The following ABLIM1 variants were observed in gnomAD, a reference collection of about 807,000 sequenced individuals.
The protein encoded by ABLIM1 is actin binding LIM protein 1.
ABLIM1 carries 40 observed loss-of-function variants against 107.0 expected under a neutral mutation model. That is an observed-to-expected ratio of 0.37 (90% CI 0.29 to 0.49). The LOEUF is 0.49. ABLIM1 is among the 20% of genes least tolerant of loss of function. ABLIM1 has a pLI of 0.97. For missense variants in ABLIM1, 857 were observed against 1,008.5 expected (o/e 0.85, Z 2.04); for synonymous variants, 357 against 357.3 (o/e 1.00, Z 0.01).
chr10:114,491,012 G>GTGTGTGTATATA lies in ABLIM1; in HGVS notation c.982+778_982+779insTATATACACACA. ...TGTGTGTGTGTGTGTGTGTGTGTGTGTATATATATATATGGTCTATTTTAT... is the reference window on the plus strand; with the variant it reads ...TGTGTGTGTGTGTGTGTGTGTGTGTGTGTGTGTATATATATATATATATATGGTCTATTTTAT... On this transcript the variant is annotated intron_variant, in intron 7 of 22. Coordinates refer to ENST00000533213, the MANE Select transcript of ABLIM1 (RefSeq NM_002313.7). Among the ~76,000 whole-genome samples, 333 of 92,318 alleles carry GTGTGTGTATATA rather than the reference G, an allele frequency of 3.6e-3. 2 individuals carry two copies. The highest frequency in any genetic ancestry group is 0.01 in the South Asian group (25 of 2,460). 60.6% of individuals were successfully genotyped at this position (92,318 alleles called of 152,430 possible). A position where few individuals can be genotyped will look rare whatever the true frequency, so the allele number is the denominator to read the frequency against.
upstream of ABLIM1, among the ~76,000 whole-genome samples, chr10:114,688,420 T>C (rs2080994605): frequency 1.3e-5 from 2 of 152,186 alleles, no homozygotes; most frequent in South Asian, 4.1e-4. Flanking sequence ...TTTCCTGAAC[T>C]TGTACGCCAA....
chr10:114,520,492 T>C (rs182943500), intron 6 of ABLIM1, among the ~76,000 whole-genome samples: 469 of 152,098 alleles, frequency 3.1e-3, no homozygotes, highest in Non-Finnish European at 4.2e-3. Flanking sequence ...ATCAGTGCCA[T>C]CGTGGGAGCT....
chr10:114,634,899 G>A (rs2078401539), intron 1 of ABLIM1, among the ~76,000 whole-genome samples: 1 of 152,200 alleles, frequency 6.6e-6, no homozygotes, highest in South Asian at 2.1e-4. Context: ...AAAACAAATT[G>A]TTTTTGCCTC....
intron 1 of ABLIM1, among the ~76,000 whole-genome samples, chr10:114,728,783 C>G (rs943171025): frequency 6.6e-6 from 1 of 151,948 alleles, no homozygotes; most frequent in Non-Finnish European, 1.5e-5. Flanking sequence ...TGGGAGGGGC[C>G]TGTAGGAGAA....
chr10:114,622,702 C>T (rs1016397397), intron 1 of ABLIM1, among the ~76,000 whole-genome samples: 5 of 152,164 alleles, frequency 3.3e-5, no homozygotes, highest in Non-Finnish European at 7.4e-5. Flanking sequence ...TCCCCTTGCA[C>T]ACAGATTTTC....
chr10:114,541,579 G>A (rs1033311728), intron 6 of ABLIM1, among the ~76,000 whole-genome samples: 4 of 152,152 alleles, frequency 2.6e-5, no homozygotes, highest in South Asian at 2.1e-4. Flanking sequence ...CCTGCAGGAC[G>A]TTTTTCTAGC....
At chr10:114,464,787 A>T (rs978932534) in intron 12 of ABLIM1, among the ~76,000 whole-genome samples, 6 of 152,212 alleles carry the variant, frequency 3.9e-5, no homozygotes, top group African/African-American at 7.2e-5. Context: ...ATTTATTTTT[A>T]AAAAGGTAGC....
chr10:114,632,832 CTCA>C, intron 1 of ABLIM1: 4 of 973,694 alleles, frequency 4.1e-6, no homozygotes, highest in Non-Finnish European at 3.7e-6. Flanking sequence ...GACAAACAGC[CTCA>C]TCTAGTTCGG....
At chr10:114,713,126 G>A (rs771536505) in intron 1 of ABLIM1, among the ~76,000 whole-genome samples, 1 of 152,156 alleles carries the variant, frequency 6.6e-6, no homozygotes, top group African/African-American at 2.4e-5. Flanking sequence ...TTGATACGTG[G>A]TTCATGATTT....
chr10:114,501,803 C>A (rs2060468609), intron 6 of ABLIM1, among the ~76,000 whole-genome samples: 1 of 152,188 alleles, frequency 6.6e-6, no homozygotes, highest in Admixed American at 6.5e-5. Flanking sequence ...CAGAGTGGTG[C>A]ATTTGCCACA....
chr10:114,791,794 A>C, the ABLIM1 span, among the ~76,000 whole-genome samples: 1 of 152,206 alleles, frequency 6.6e-6, no homozygotes. Flanking sequence ...AATCAGAGAA[A>C]TGAAATCTAA....
At chr10:114,641,293 C>A (rs34817890) in intron 1 of ABLIM1, among the ~76,000 whole-genome samples, 37,671 of 137,178 alleles carry the variant, frequency 0.27, 5,718 homozygotes, top group East Asian at 0.54. Context: ...TCGATGTTAG[C>A]AAATCTTCCC....
the ABLIM1 span, among the ~76,000 whole-genome samples, chr10:114,787,026 C>G: frequency 6.6e-6 from 1 of 151,646 alleles, no homozygotes; most frequent in Non-Finnish European, 1.5e-5. Context: ...CTCTGCCCAG[C>G]CGCCATCCCA....
In ABLIM1 at chr10:114,462,370, T is replaced by A. The variant is rs918741437; in HGVS notation, c.1441+3328A>T. ...TTGTAGCCTCTTCAGGGTTCTCGGC[T>A]CCCCCAGTGTGGAGAGTCCCAACTG... On this transcript the variant is annotated intron_variant, in intron 12 of 22. Coordinates refer to ENST00000533213, the MANE Select transcript of ABLIM1 (RefSeq NM_002313.7). 6.6e-5 allele frequency among the ~76,000 whole-genome samples: 10 copies of A among 152,112 alleles called. No individual in the cohort carries two copies. In the East Asian group the frequency reaches 1.9e-3, roughly 29 times the overall value.
intron 1 of ABLIM1, among the ~76,000 whole-genome samples, chr10:114,758,094 A>G (rs760297564): frequency 3.9e-5 from 6 of 152,078 alleles, no homozygotes; most frequent in Non-Finnish European, 7.4e-5. Context: ...TTATCGCCCC[A>G]TATGCAATAG....
Position 114,509,087 on chromosome 10 carries a change from G to A in ABLIM1, c.895-17209C>T, listed in dbSNP as rs183682909. 2.7e-3 allele frequency among the ~76,000 whole-genome samples: 406 copies of A among 152,278 alleles called. 1 individual carries two copies. The highest frequency in any genetic ancestry group is 9.2e-3 in the African/African-American group (382 of 41,556). ...GGAAATTTAGAATGAGAATAAATTCGTATGGAGAATGCGGAGAGCAGCTCA... is the reference window on the plus strand; with the variant it reads ...GGAAATTTAGAATGAGAATAAATTCATATGGAGAATGCGGAGAGCAGCTCA... On this transcript the variant is annotated intron_variant, in intron 6 of 22. Coordinates refer to ENST00000533213, the MANE Select transcript of ABLIM1 (RefSeq NM_002313.7).
At chr10:114,792,902 A>G in the ABLIM1 span, among the ~76,000 whole-genome samples, 1 of 152,184 alleles carries the variant, frequency 6.6e-6, no homozygotes, top group African/African-American at 2.4e-5. Context: ...CTGTAATCCC[A>G]GCACTTTGGG....
rs531547119 is a variant in ABLIM1, at chr10:114,547,776, T to A, written c.674A>T (p.Asn225Ile). ...SSPKETTFSSNCAGCGRDIKN... is the reference protein window; with the variant it reads ...SSPKETTFSSICAGCGRDIKN... ...GATATCTCTTCCGCAGCCGGCACAA[T>A]CTGAAAAAGAGCAGCCGCCAGTGGT... is the stretch of plus-strand genomic sequence containing the variant. The change falls in exon 5 of 23, where the codon AAT becomes ATT. Residue 225 changes from asparagine to isoleucine, a missense_variant and splice_region_variant. Coordinates refer to ENST00000533213, the MANE Select transcript of ABLIM1 (RefSeq NM_002313.7). The A allele has an allele frequency of 3.2e-5, 52 of 1,607,966 alleles. No homozygotes were observed. In the South Asian group the frequency reaches 5.4e-4, roughly 17 times the overall value.
chr10:114,694,697 C>A (rs1054081887), intron 1 of ABLIM1, among the ~76,000 whole-genome samples: 1 of 152,002 alleles, frequency 6.6e-6, no homozygotes, highest in African/African-American at 2.4e-5. Context: ...AAAAAAAAGA[C>A]ATTAAGTACT....
Sources: allele counts gnomAD v4.1 joint callset (sites outside exome capture counted in the v4.1 genomes callset), GRCh38; gene constraint gnomAD v4.1.1; transcripts MANE v1.5; gene names NCBI Gene and HGNC (gene_info 2026-07-23, HGNC 2026-07-21).